The following ROBO1 variants were observed in gnomAD, a reference collection of about 807,000 sequenced individuals.
ROBO1 encodes the protein roundabout homolog 1.
A neutral mutation model predicts 195.9 loss-of-function variants in ROBO1; 149 were observed. The observed-to-expected ratio is 0.76, with a 90% confidence interval of 0.67 to 0.87. The LOEUF is 0.87. Among genes scored for constraint, ROBO1 ranks in the 40% least tolerant of loss-of-function variants. ROBO1 has a pLI of 0.00. For missense variants in ROBO1, 1,933 were observed against 2,068.3 expected (o/e 0.93, Z 1.27); for synonymous variants, 816 against 733.2 (o/e 1.11, Z -1.82).
chr3:79,433,487 C>T (rs1391992716), intron 2 of ROBO1, among the ~76,000 whole-genome samples: 1 of 152,068 alleles, frequency 6.6e-6, no homozygotes, highest in East Asian at 1.9e-4. Context: ...CAGACTTGCA[C>T]TCCTAGACTC....
At chr3:79,083,168 C>A (rs755471283) in intron 3 of ROBO1, among the ~76,000 whole-genome samples, 4 of 152,042 alleles carry the variant, frequency 2.6e-5, no homozygotes, top group Non-Finnish European at 5.9e-5. Flanking sequence ...TGCACTTCAA[C>A]CTGAGCCACA....
chr3:79,152,101 A>G (rs1301208045), intron 2 of ROBO1, among the ~76,000 whole-genome samples: 1 of 151,852 alleles, frequency 6.6e-6, no homozygotes, highest in African/African-American at 2.4e-5. Flanking sequence ...CATTAAAAAA[A>G]TTCCGATTAT....
chr3:79,044,101 C>G (rs1274513648), intron 3 of ROBO1, among the ~76,000 whole-genome samples: 4 of 146,306 alleles, frequency 2.7e-5, no homozygotes, highest in African/African-American at 1.0e-4. Context: ...AAAAAATACA[C>G]TAACAGTAAT....
intron 2 of ROBO1, among the ~76,000 whole-genome samples, chr3:79,535,138 T>C (rs1176891085): frequency 6.6e-6 from 1 of 152,190 alleles, no homozygotes; most frequent in African/African-American, 2.4e-5. Context: ...ATCCCGAGTC[T>C]TCAATTCTGA....
At chr3:78,875,630 G>A (rs1163094271) in intron 4 of ROBO1, among the ~76,000 whole-genome samples, 6 of 152,012 alleles carry the variant, frequency 3.9e-5, no homozygotes, top group Non-Finnish European at 1.5e-5. Context: ...ACTGAAGAGA[G>A]GGTATGTTGC....
intron 1 of ROBO1, among the ~76,000 whole-genome samples, chr3:79,643,387 A>G (rs190826672): frequency 6.6e-6 from 1 of 152,150 alleles, no homozygotes; most frequent in East Asian, 1.9e-4. Context: ...GTGAGTCAAT[A>G]CTCCTTAATA....
chr3:79,310,954 T>C (rs1276630080), intron 2 of ROBO1, among the ~76,000 whole-genome samples: 4 of 152,212 alleles, frequency 2.6e-5, no homozygotes, highest in Non-Finnish European at 5.9e-5. Context: ...TGGTTTTCTC[T>C]CTTTGCCATT....
chr3:79,554,875 AAC>A (rs1216616262), intron 2 of ROBO1, among the ~76,000 whole-genome samples: 66 of 152,252 alleles, frequency 4.3e-4, no homozygotes, highest in Non-Finnish European at 3.2e-4. Context: ...TGTGAGAAGT[AAC>A]ACAGAATAAA....
intron 2 of ROBO1, among the ~76,000 whole-genome samples, chr3:79,588,001 C>A (rs898608257): frequency 2.6e-5 from 4 of 151,748 alleles, no homozygotes; most frequent in Non-Finnish European, 5.9e-5. Flanking sequence ...TAACTGTATG[C>A]ATCCCATTTG....
intron 2 of ROBO1, among the ~76,000 whole-genome samples, chr3:79,387,440 A>G: frequency 6.7e-6 from 1 of 150,368 alleles, no homozygotes; most frequent in East Asian, 1.9e-4. Flanking sequence ...ATATACATAT[A>G]TGCATGTTAT....
intron 2 of ROBO1, among the ~76,000 whole-genome samples, chr3:79,499,883 T>G (rs1253411109): frequency 1.3e-5 from 2 of 152,170 alleles, no homozygotes; most frequent in East Asian, 3.9e-4. Context: ...CTTGGCTCTC[T>G]GCAACCTCCG....
chr3:79,735,893 A>C (rs905030340), intron 1 of ROBO1, among the ~76,000 whole-genome samples: 1 of 151,958 alleles, frequency 6.6e-6, no homozygotes, highest in African/African-American at 2.4e-5. Context: ...AAAACAAAAA[A>C]AAAACAAAAA....
intron 3 of ROBO1, among the ~76,000 whole-genome samples, chr3:79,088,326 C>T (rs949591568): frequency 6.6e-6 from 1 of 152,088 alleles, no homozygotes; most frequent in African/African-American, 2.4e-5. Context: ...ACTGTCCAGG[C>T]TACTTTGCCT....
intron 2 of ROBO1, among the ~76,000 whole-genome samples, chr3:79,473,457 C>A (rs1238400163): frequency 6.6e-6 from 1 of 152,044 alleles, no homozygotes; most frequent in African/African-American, 2.4e-5. Context: ...TTGTTAAGTT[C>A]TGTTCCTTAA....
intron 2 of ROBO1, among the ~76,000 whole-genome samples, chr3:79,317,766 T>G (rs1396056816): frequency 6.6e-6 from 1 of 152,120 alleles, no homozygotes; most frequent in Non-Finnish European, 1.5e-5. Flanking sequence ...TACAAAGCAC[T>G]CGTGTTCTTG....
intron 4 of ROBO1, among the ~76,000 whole-genome samples, chr3:78,885,909 T>TTATATATATATATATATATATA (rs10651992): frequency 2.5e-4 from 29 of 117,736 alleles, no homozygotes; most frequent in East Asian, 7.8e-4. Flanking sequence ...TAGCAAAATT[T>TTATATATATATATATATATATA]TATATATATA....
At chr3:79,628,695 T>C (rs958757403) in intron 1 of ROBO1, among the ~76,000 whole-genome samples, 4 of 152,116 alleles carry the variant, frequency 2.6e-5, no homozygotes, top group African/African-American at 7.2e-5. Context: ...ACTTAAAAGA[T>C]ATAAACTGGC....
At chr3:79,579,570 A>G (rs895391830) in intron 2 of ROBO1, among the ~76,000 whole-genome samples, 3 of 152,214 alleles carry the variant, frequency 2.0e-5, no homozygotes, top group African/African-American at 7.2e-5. Context: ...ACATGGAAGT[A>G]TCCTTAACTT....
intron 4 of ROBO1, among the ~76,000 whole-genome samples, chr3:78,902,370 C>T (rs957046907): frequency 6.6e-6 from 1 of 152,014 alleles, no homozygotes; most frequent in African/African-American, 2.4e-5. Flanking sequence ...TCTTTCTTGA[C>T]TTGCAAATGT....
Sources: allele counts gnomAD v4.1 joint callset (sites outside exome capture counted in the v4.1 genomes callset), GRCh38; gene constraint gnomAD v4.1.1; transcripts MANE v1.5; gene names NCBI Gene and HGNC (gene_info 2026-07-23, HGNC 2026-07-21).